The following CC2D1B variants were observed in gnomAD, a reference collection of about 807,000 sequenced individuals.
CC2D1B encodes coiled-coil and C2 domain containing 1B.
CC2D1B carries 92 observed loss-of-function variants against 110.8 expected under a neutral mutation model. The observed-to-expected ratio is 0.83, with a 90% CI of 0.70 to 0.99. The LOEUF (loss-of-function observed/expected upper bound fraction) is 0.99. Among genes scored for constraint, CC2D1B ranks in the 50% least tolerant of loss-of-function variants. The pLI is 0.00. For missense variants in CC2D1B, 1,136 were observed against 1,089.0 expected (o/e 1.04, Z -0.61); for synonymous variants, 406 against 429.2 (o/e 0.95, Z 0.67).
chr1:52,355,018 GCTGCCTT>G, intron 21 of CC2D1B, 79 bp from the exon 22 acceptor site: 1 of 1,184,516 alleles, frequency 8.4e-7, no homozygotes, highest in Non-Finnish European at 1.3e-6. Context: ...CCCAGGGCTG[GCTGCCTT>G]CCCCCAATCT....
At chr1:52,353,690 A>T (rs1646578051) in intron 23 of CC2D1B, 43 bp from the exon 24 acceptor site, 1 of 1,464,848 alleles carries the variant, frequency 6.8e-7, no homozygotes, top group East Asian at 2.4e-5. Context: ...AAGGGGACAG[A>T]GATGGGGAGC....
chr1:52,359,138 C>A lies in CC2D1B; in HGVS notation c.1146G>T (p.Gln382His), dbSNP rs1462142045. The change falls in exon 11 of 25, where the codon CAG (glutamine) becomes CAT (histidine). Residue 382 changes from glutamine (Q) to histidine (H), a missense_variant. Coordinates refer to ENST00000284376, the MANE Select transcript of CC2D1B (RefSeq NM_001330585.2). The part of the protein sequence containing the change: ...PATPVAPTES[Q>H]TVLDALQQRL... Reference sequence around the variant, plus strand: ...TCTGCTGCAGGGCATCCAGCACTGTCTGTGACTCTGTAGGGGCCACTTGAA... The same window carrying A: ...TCTGCTGCAGGGCATCCAGCACTGTATGTGACTCTGTAGGGGCCACTTGAA... 6 of 1,611,154 alleles carry A rather than the reference C, an allele frequency of 3.7e-6. No individual in the cohort carries two copies. Among genetic ancestry groups the A allele is most frequent in the East Asian group, 2.2e-5 (1 of 44,856 alleles).
intron 21 of CC2D1B, 160 bp from the exon 22 acceptor site, chr1:52,355,099 A>G: frequency 1.5e-6 from 1 of 654,862 alleles, no homozygotes; most frequent in South Asian, 1.9e-5. Context: ...CTGGCCTTGG[A>G]AGTGAGTTTT....
chr1:52,365,576 C>G (rs1400856585), intron 1 of CC2D1B, among the ~76,000 whole-genome samples: 1 of 152,192 alleles, frequency 6.6e-6, no homozygotes, highest in Non-Finnish European at 1.5e-5. Context: ...TGTGAGCAAG[C>G]GGCAGAATAT....
At chr1:52,363,069 C>T (rs1646815943) in intron 2 of CC2D1B, among the ~76,000 whole-genome samples, 1 of 152,238 alleles carries the variant, frequency 6.6e-6, no homozygotes, top group Non-Finnish European at 1.5e-5. Context: ...ATCTTAACCA[C>T]CTCAGTTAAT....
intron 4 of CC2D1B, 154 bp downstream of exon 4, chr1:52,361,359 A>G: frequency 7.2e-7 from 1 of 1,391,694 alleles, no homozygotes; most frequent in African/African-American, 1.4e-5. Flanking sequence ...CCAGAAGTCA[A>G]AGAGACACGC....
chr1:52,355,374 A>G, intron 21 of CC2D1B, 24 bp downstream of exon 21: 3 of 1,613,238 alleles, frequency 1.9e-6, no homozygotes, highest in Non-Finnish European at 2.5e-6. Flanking sequence ...AGGGAGGAGA[A>G]AGAGGCCCAC....
chr1:52,360,578 C>CACT, intron 5 of CC2D1B, 29 bp from the exon 6 acceptor site: 2 of 1,607,526 alleles, frequency 1.2e-6, no homozygotes, highest in Non-Finnish European at 1.7e-6. Context: ...AGGGCCTGGC[C>CACT]ACTCCAGGGC....
At chr1:52,353,913 A>C (rs1646583043) in intron 23 of CC2D1B, 1 of 348,580 alleles carries the variant, frequency 2.9e-6, no homozygotes. Context: ...CCCCACGGCA[A>C]CTTCTGGAAG....
Position 52,355,796 on chromosome 1 carries a change from C to A in CC2D1B, c.2103G>T (p.Arg701=). Residue 701 remains arginine, a synonymous_variant, in exon 19 of 25, where the codon CGG becomes CGT. Transcript: ENST00000284376. The stretch of plus-strand genomic sequence containing the variant: ...CTGGAGGGGCTGGGAGGTTCATTCC[C>A]CGGACAATGATCAGATGCATTTCTG... ...NSTEMHLIIV[R]GMNLPAPPGV... 6.2e-7 allele frequency: 1 copy of A among 1,614,090 alleles called. No homozygotes were observed. Among genetic ancestry groups the A allele is most frequent in the Non-Finnish European group, 8.5e-7 (1 of 1,180,008 alleles).
intron 5 of CC2D1B, 131 bp from the exon 6 acceptor site, chr1:52,360,680 G>GCTCTT: frequency 7.3e-7 from 1 of 1,368,490 alleles, no homozygotes; most frequent in Non-Finnish European, 9.9e-7. Flanking sequence ...AAGCCTTAAG[G>GCTCTT]CAGGAAGCAA....
chr1:52,353,896 C>T lies in CC2D1B; in HGVS notation c.2431-249G>A, dbSNP rs1372531263. On this transcript the variant is annotated intron_variant, in intron 23 of 24. Transcript: ENST00000284376. ...CATCCTAGAGCTCTGTTCATTTTCT[C>T]CTCAATCCCCACGGCAACTTCTGGA... 7.7e-6 allele frequency: 3 copies of T among 391,748 alleles called. No homozygotes were observed. In the East Asian group the frequency reaches 1.4e-4, roughly 18 times the overall value. The allele number at this position is 391,748 out of a possible 1,614,324, so 24.3% of individuals were successfully genotyped here.
chr1:52,358,327 A>G lies in CC2D1B; in HGVS notation c.1461+4T>C. ...CAGCCCTGGAGTTGAGCCCTCAACC[A>G]AACCTCGTCCTCGTCTTTATCAGCC... On this transcript the variant is annotated splice_donor_region_variant and intron_variant, in intron 13 of 24. Transcript: ENST00000284376. 1 of 1,613,132 alleles carries G rather than the reference A, an allele frequency of 6.2e-7. No homozygotes were observed. The highest frequency in any genetic ancestry group is 8.5e-7 in the Non-Finnish European group (1 of 1,179,422).
At chr1:52,356,896 G>A (rs939990971) in intron 16 of CC2D1B, 105 bp downstream of exon 16, 3 of 1,315,522 alleles carry the variant, frequency 2.3e-6, no homozygotes, top group African/African-American at 3.0e-5. Flanking sequence ...GTAAGTGGAA[G>A]AGCTGAGAAT....
chr1:52,365,756 G>T (rs1646867935), intron 1 of CC2D1B, among the ~76,000 whole-genome samples: 1 of 151,944 alleles, frequency 6.6e-6, no homozygotes, highest in Non-Finnish European at 1.5e-5. Flanking sequence ...GCGCTGGCGG[G>T]GAGACCAGCT....
intron 23 of CC2D1B, 186 bp downstream of exon 23, chr1:52,354,420 CTG>C (rs1474422146): frequency 1.4e-6 from 1 of 709,976 alleles, no homozygotes; most frequent in South Asian, 1.5e-5. Context: ...CTGGGTCCCT[CTG>C]TGAGATTTCT....
At chr1:52,358,992 C>G (rs1181404423) in intron 11 of CC2D1B, 35 bp downstream of exon 11, 2 of 1,597,990 alleles carry the variant, frequency 1.3e-6, no homozygotes, top group Non-Finnish European at 8.5e-7. Context: ...GGGAAGAGGC[C>G]AGCACAGGCA....
intron 1 of CC2D1B, among the ~76,000 whole-genome samples, chr1:52,365,711 G>T (rs1646866373): frequency 2.6e-5 from 4 of 152,220 alleles, no homozygotes; most frequent in Admixed American, 2.6e-4. Context: ...CAGAAGGTAG[G>T]GGGAAAAGGC....
At position 52,361,087 on chromosome 1, in the gene CC2D1B, G is replaced by T; in HGVS notation, c.364C>A (p.Leu122Met). 6.2e-7 allele frequency: 1 copy of T among 1,614,060 alleles called. No homozygotes were observed. The highest frequency in any genetic ancestry group is 8.5e-7 in the Non-Finnish European group (1 of 1,179,998). Reference protein sequence around the residue: ...VLGVDEETEPLDGDEVADPGG... With the variant: ...VLGVDEETEPMDGDEVADPGG... ...GGGTCAGCTACCTCATCACCATCCA[G>T]GGGCTCAGTCTCCTCGTCCACACCT... is the stretch of plus-strand genomic sequence containing the variant. The change falls in exon 5 of 25, where the codon CTG becomes ATG. Residue 122 changes from leucine (L) to methionine (M), a missense_variant. Physicochemically the swap from Leu to Met is conservative, Grantham distance 15 (BLOSUM62 2). Coordinates refer to ENST00000284376, the MANE Select transcript of CC2D1B (RefSeq NM_001330585.2).
Sources: allele counts gnomAD v4.1 joint callset (sites outside exome capture counted in the v4.1 genomes callset), GRCh38; gene constraint gnomAD v4.1.1; transcripts MANE v1.5; gene names NCBI Gene and HGNC (gene_info 2026-07-23, HGNC 2026-07-21).